Variants in GPHN observed in about 807,000 individuals in gnomAD.
The protein encoded by GPHN is gephyrin.
In GPHN, 17 loss-of-function variants were observed where a neutral mutation model predicts 95.5. The ratio of observed to expected loss-of-function variants is 0.18; its 90% confidence interval spans 0.12 to 0.27. The LOEUF (loss-of-function observed/expected upper bound fraction) is 0.27, where lower values mean the gene tolerates loss of function less well. Among genes scored for constraint, GPHN ranks in the 10% least tolerant of loss-of-function variants. The pLI, the probability that GPHN is intolerant of heterozygous loss-of-function variation, is 1.00. For missense variants in GPHN, 660 were observed against 978.1 expected (o/e 0.67, Z 4.34); for synonymous variants, 320 against 322.5 (o/e 0.99, Z 0.08).
chr14:67,232,549 C>T, the GPHN span, among the ~76,000 whole-genome samples: 1 of 152,154 alleles, frequency 6.6e-6, no homozygotes, highest in South Asian at 2.1e-4. Context: ...TTTTGTATCA[C>T]AAAATCTCAT....
chr14:67,434,771 G>C, the GPHN span, among the ~76,000 whole-genome samples: 1 of 152,092 alleles, frequency 6.6e-6, no homozygotes, highest in East Asian at 1.9e-4. Context: ...TATCTGAAAC[G>C]GGGTAATTTA....
In GPHN at chr14:67,110,291, G is replaced by T. The variant is rs753520965; in HGVS notation, c.1413+32G>T. 1.1e-5 allele frequency: 17 copies of T among 1,611,076 alleles called. No individual in the cohort carries two copies. The East Asian group carries it at 3.8e-4, about 36-fold the overall frequency. On this transcript the variant is annotated intron_variant, in intron 14 of 22. Transcript: ENST00000478722. ...CATCACCAAGTCTTACTGTGCTGTT[G>T]TTCCTATGGCAGTATTATGTCACAA...
intron 2 of GPHN, among the ~76,000 whole-genome samples, chr14:66,771,964 T>A (rs946671192): frequency 1.3e-5 from 2 of 152,100 alleles, no homozygotes; most frequent in Admixed American, 1.3e-4. Context: ...TGGTTCAGTA[T>A]TAGCTCTTTC....
At chr14:67,296,338 C>T in the GPHN span, among the ~76,000 whole-genome samples, 3 of 152,042 alleles carry the variant, frequency 2.0e-5, no homozygotes, top group East Asian at 1.9e-4. Flanking sequence ...CAGTGGCTCA[C>T]GCCTGTAATC....
At chr14:66,723,848 T>C (rs2070978718) in intron 2 of GPHN, among the ~76,000 whole-genome samples, 1 of 152,106 alleles carries the variant, frequency 6.6e-6, no homozygotes. Flanking sequence ...ATTAGGTTAG[T>C]TTTCATATTT....
At chr14:67,065,900 T>C (rs1456956701) in intron 11 of GPHN, among the ~76,000 whole-genome samples, 1 of 152,200 alleles carries the variant, frequency 6.6e-6, no homozygotes, top group Non-Finnish European at 1.5e-5. Flanking sequence ...AATTTGCCAG[T>C]CTGTGTCTTT....
the GPHN span, among the ~76,000 whole-genome samples, chr14:67,481,095 A>T: frequency 6.6e-6 from 1 of 152,124 alleles, no homozygotes. Context: ...GTTCGAGACC[A>T]GCCTGGGCAA....
intron 4 of GPHN, among the ~76,000 whole-genome samples, chr14:66,836,166 G>A (rs1476242236): frequency 3.0e-5 from 4 of 131,320 alleles, no homozygotes; most frequent in African/African-American, 1.5e-4. Context: ...CAAAGCTGGA[G>A]GCATCACACT....
At chr14:67,586,142 G>A in the GPHN span, 1 of 1,605,088 alleles carries the variant, frequency 6.2e-7, no homozygotes, top group East Asian at 2.2e-5. Flanking sequence ...GCAAGATGTG[G>A]TGGGCTTGGA....
chr14:67,492,028 C>A, the GPHN span, among the ~76,000 whole-genome samples: 3 of 152,314 alleles, frequency 2.0e-5, 1 homozygote, highest in African/African-American at 7.2e-5. Context: ...TGACATCTCA[C>A]CCCACTGTCT....
Position 67,054,246 on chromosome 14 carries a change from G to C in GPHN, c.1007-4403G>C, listed in dbSNP as rs183530091. On this transcript the variant is annotated intron_variant, in intron 10 of 22. Transcript: ENST00000478722. ...GCCCCAAAGCTTCTTAAGCTGATAAGCACCTTCAGCAAAGTACAAAATCAA... is the reference window on the plus strand; with the variant it reads ...GCCCCAAAGCTTCTTAAGCTGATAACCACCTTCAGCAAAGTACAAAATCAA... Among the ~76,000 whole-genome samples, 416 of 152,234 alleles carry C rather than the reference G, an allele frequency of 2.7e-3. 3 individuals are homozygous for C. The highest frequency in any genetic ancestry group is 3.8e-3 in the Non-Finnish European group (261 of 68,016).
the GPHN span, chr14:67,645,505 G>A: frequency 1.1e-6 from 1 of 894,418 alleles, no homozygotes; most frequent in Admixed American, 3.0e-5. Flanking sequence ...TACAGGTCTT[G>A]CCTCACCCAA....
At chr14:66,708,199 G>A (rs114985225) in intron 2 of GPHN, among the ~76,000 whole-genome samples, 2 of 143,412 alleles carry the variant, frequency 1.4e-5, no homozygotes, top group African/African-American at 5.7e-5. Context: ...TTAGTTTAGA[G>A]ACATCTAAAA....
chr14:67,489,789 G>T, the GPHN span, among the ~76,000 whole-genome samples: 1 of 152,182 alleles, frequency 6.6e-6, no homozygotes, highest in African/African-American at 2.4e-5. Flanking sequence ...AGGAGATCGA[G>T]ACCATCCTGG....
the GPHN span, among the ~76,000 whole-genome samples, chr14:67,257,055 T>C: frequency 6.6e-6 from 1 of 152,038 alleles, no homozygotes; most frequent in Non-Finnish European, 1.5e-5. Context: ...GACATCAATA[T>C]GTACGTTGGT....
chr14:66,833,950 A>T (rs2061686584), intron 4 of GPHN, among the ~76,000 whole-genome samples: 1 of 152,162 alleles, frequency 6.6e-6, no homozygotes, highest in South Asian at 2.1e-4. Flanking sequence ...GAGAACAAAG[A>T]CCTTCATGTT....
At chr14:66,676,672 A>AT (rs56906168) in intron 1 of GPHN, among the ~76,000 whole-genome samples, 7,748 of 126,026 alleles carry the variant, frequency 0.061, 283 homozygotes, top group Middle Eastern at 0.09. Context: ...ATCGTAGTGT[A>AT]TTTTTTTTTT....
intron 1 of GPHN, among the ~76,000 whole-genome samples, chr14:66,631,918 C>G (rs1251344008): frequency 6.6e-6 from 1 of 152,052 alleles, no homozygotes; most frequent in Non-Finnish European, 1.5e-5. Context: ...TTAAATCTTG[C>G]TATTGCTTCG....
At chr14:67,133,210 TGTTACCTTG>T (rs1236957397) in intron 17 of GPHN, among the ~76,000 whole-genome samples, 4 of 152,302 alleles carry the variant, frequency 2.6e-5, no homozygotes, top group Middle Eastern at 3.4e-3. Context: ...AGCTATTTTT[TGTTACCTTG>T]GTATGATTAA....
Sources: gnomAD v4.1 joint callset for allele counts (sites outside exome capture counted in the v4.1 genomes callset) on GRCh38, gnomAD v4.1.1 for gene constraint, MANE v1.5 for transcripts, NCBI Gene and HGNC (gene_info 2026-07-23, HGNC 2026-07-21) for gene names.